VAT1L: variants seen among roughly 807,000 people sequenced by gnomAD.
VAT1L encodes putative NADPH-dependent quinone oxidoreductase VAT1L.
A neutral mutation model predicts 44.1 loss-of-function variants in VAT1L; 34 were observed. The observed-to-expected ratio is 0.77, with a 90% CI of 0.59 to 1.03. The LOEUF (loss-of-function observed/expected upper bound fraction) is 1.03, where lower values mean the gene tolerates loss of function less well. Ranked by LOEUF, VAT1L falls within the 50% of genes least tolerant of loss-of-function variation. VAT1L has a pLI of 0.00. For synonymous variants in VAT1L, 253 were observed against 202.2 expected (o/e 1.25, Z -2.13); for missense variants, 615 against 538.8 (o/e 1.14, Z -1.40).
intron 1 of VAT1L, among the ~76,000 whole-genome samples, chr16:77,793,266 C>CATGTGGCACAGGCATGTGCCACCACT (rs1411291244): frequency 5.8e-4 from 89 of 152,258 alleles, no homozygotes; most frequent in Middle Eastern, 3.4e-3. Flanking sequence ...CATGTGCCAC[C>CATGTGGCACAGGCATGTGCCACCACT]GTGCCCAGCT....
intron 3 of VAT1L, among the ~76,000 whole-genome samples, chr16:77,826,133 G>A (rs184887015): frequency 1.4e-5 from 2 of 146,894 alleles, no homozygotes; most frequent in African/African-American, 2.5e-5. Context: ...CGTGAACCCG[G>A]GAGGCAGAGC....
At chr16:77,793,462 T>C (rs536490815) in intron 1 of VAT1L, among the ~76,000 whole-genome samples, 161 of 152,274 alleles carry the variant, frequency 1.1e-3, no homozygotes, top group Middle Eastern at 3.4e-3. Flanking sequence ...CCCTAACTGA[T>C]ACAAGTCAGA....
intron 4 of VAT1L, among the ~76,000 whole-genome samples, chr16:77,866,661 CCAGT>C (rs2142446008): frequency 6.6e-6 from 1 of 151,368 alleles, no homozygotes; most frequent in Non-Finnish European, 1.5e-5. Flanking sequence ...CTTTTATAAG[CCAGT>C]CAATCGGGAA....
chr16:77,815,664 G>A (rs2016337954), intron 1 of VAT1L, among the ~76,000 whole-genome samples: 1 of 152,016 alleles, frequency 6.6e-6, no homozygotes, highest in South Asian at 2.1e-4. Context: ...TAAGCAAGAT[G>A]TGCTTTAGAA....
chr16:77,795,930 A>G (rs982756671), intron 1 of VAT1L, among the ~76,000 whole-genome samples: 2 of 146,068 alleles, frequency 1.4e-5, no homozygotes, highest in African/African-American at 5.1e-5. Context: ...AGTTCAAGCG[A>G]TTCTCCTGCC....
intron 3 of VAT1L, among the ~76,000 whole-genome samples, chr16:77,853,518 G>A (rs932168713): frequency 6.6e-6 from 1 of 152,090 alleles, no homozygotes; most frequent in African/African-American, 2.4e-5. Context: ...GAGCATCATG[G>A]GGCCTTTCTC....
intron 1 of VAT1L, among the ~76,000 whole-genome samples, chr16:77,807,406 C>T (rs2016180594): frequency 6.6e-6 from 1 of 152,184 alleles, no homozygotes; most frequent in African/African-American, 2.4e-5. Flanking sequence ...CTGGTTGATG[C>T]AGGGGTGCAA....
intron 8 of VAT1L, among the ~76,000 whole-genome samples, chr16:77,976,621 C>G (rs2018343435): frequency 1.3e-5 from 2 of 152,178 alleles, no homozygotes; most frequent in Non-Finnish European, 2.9e-5. Context: ...ATCTGAGGCA[C>G]AGATCATGTA....
At chr16:77,852,984 C>G (rs1056193494) in intron 3 of VAT1L, among the ~76,000 whole-genome samples, 1 of 152,210 alleles carries the variant, frequency 6.6e-6, no homozygotes, top group Non-Finnish European at 1.5e-5. Flanking sequence ...GCCAGGTACA[C>G]AGTAAACTCT....
intron 7 of VAT1L, among the ~76,000 whole-genome samples, chr16:77,910,009 G>T (rs149666985): frequency 6.6e-6 from 1 of 152,300 alleles, no homozygotes; most frequent in East Asian, 1.9e-4. Context: ...GCTAGAGAGG[G>T]CAGTTTTAGG....
intron 7 of VAT1L, among the ~76,000 whole-genome samples, chr16:77,933,344 G>A (rs762042965): frequency 6.6e-6 from 1 of 152,140 alleles, no homozygotes; most frequent in African/African-American, 2.4e-5. Context: ...TCCAAAAACT[G>A]TATTTACCTT....
At chr16:77,931,903 A>G (rs1419442499) in intron 7 of VAT1L, among the ~76,000 whole-genome samples, 1 of 152,162 alleles carries the variant, frequency 6.6e-6, no homozygotes, top group Non-Finnish European at 1.5e-5. Flanking sequence ...GAAAACTTTG[A>G]TGTACTGTGA....
At chr16:77,945,654 T>C (rs1303891665) in intron 7 of VAT1L, among the ~76,000 whole-genome samples, 2 of 152,086 alleles carry the variant, frequency 1.3e-5, no homozygotes, top group Non-Finnish European at 2.9e-5. Context: ...CAGAGACATT[T>C]AAAACCATGT....
chr16:77,805,441 A>C (rs2016137835), intron 1 of VAT1L, among the ~76,000 whole-genome samples: 1 of 152,230 alleles, frequency 6.6e-6, no homozygotes, highest in Non-Finnish European at 1.5e-5. Flanking sequence ...TGGGGCAATG[A>C]GAAAATTAAT....
intron 3 of VAT1L, among the ~76,000 whole-genome samples, chr16:77,849,000 T>C (rs2016783133): frequency 6.6e-6 from 1 of 151,736 alleles, no homozygotes; most frequent in Non-Finnish European, 1.5e-5. Context: ...TGAGAACACA[T>C]GGATATAGGG....
At chr16:77,892,234 T>C (rs1450162775) in intron 7 of VAT1L, among the ~76,000 whole-genome samples, 1 of 152,086 alleles carries the variant, frequency 6.6e-6, no homozygotes, top group Non-Finnish European at 1.5e-5. Flanking sequence ...CCAAAACAGA[T>C]ACTGCACCCC....
intron 7 of VAT1L, among the ~76,000 whole-genome samples, chr16:77,939,887 A>G (rs956316685): frequency 1.4e-4 from 22 of 152,156 alleles, no homozygotes; most frequent in Non-Finnish European, 1.9e-4. Context: ...GTGGGTTGGA[A>G]AGGCTTGTTA....
intron 7 of VAT1L, among the ~76,000 whole-genome samples, chr16:77,950,975 T>A (rs1314893258): frequency 2.0e-5 from 3 of 152,120 alleles, no homozygotes; most frequent in African/African-American, 7.2e-5. Flanking sequence ...AGGCATTAAG[T>A]TAGTATGCTG....
chr16:77,970,512 C>A (rs1241715220), intron 7 of VAT1L, among the ~76,000 whole-genome samples: 1 of 152,152 alleles, frequency 6.6e-6, no homozygotes, highest in East Asian at 1.9e-4. Context: ...GCTATGTAGT[C>A]TTTGTAATTA....
Sources: gnomAD v4.1 joint callset for allele counts (sites outside exome capture counted in the v4.1 genomes callset) on GRCh38, gnomAD v4.1.1 for gene constraint, MANE v1.5 for transcripts, NCBI Gene and HGNC (gene_info 2026-07-23, HGNC 2026-07-21) for gene names.